The following ANKRD28 variants were observed in gnomAD, a reference collection of about 807,000 sequenced individuals.
ANKRD28 encodes the protein ankyrin repeat domain 28.
ANKRD28 carries 44 observed loss-of-function variants against 126.5 expected under a neutral mutation model. The ratio of observed to expected loss-of-function variants is 0.35; its 90% CI spans 0.27 to 0.45. The LOEUF (loss-of-function observed/expected upper bound fraction) is 0.45, where lower values mean the gene tolerates loss of function less well. Among genes scored for constraint, ANKRD28 ranks in the 20% least tolerant of loss-of-function variants. The probability of loss-of-function intolerance (pLI) is 1.00; values close to 1 mark genes in which losing one functional copy is unlikely to be tolerated. For synonymous variants in ANKRD28, 442 were observed against 468.5 expected (o/e 0.94, Z 0.73); for missense variants, 1,110 against 1,316.6 (o/e 0.84, Z 2.43).
chr3:15,731,881 G>GT (rs2074645813), intron 6 of ANKRD28: 1 of 136,594 alleles, frequency 7.3e-6, no homozygotes, highest in African/African-American at 3.0e-5. Context: ...AAAAGGGGGG[G>GT]GGGGTGTGTG....
rs1250892862 is a variant in ANKRD28, at chr3:15,795,312, AT to A, written c.118-7del. 1 of 1,590,840 alleles carries A rather than the reference AT, an allele frequency of 6.3e-7. No homozygotes were observed. Among genetic ancestry groups the A allele is most frequent in the Admixed American group, 1.7e-5 (1 of 59,940 alleles). ...ATAGCTTGCACCAGTGATGGCTAAAATAGAAGAGAGTAATAAAAACATTAGA... is the reference window on the plus strand; with the variant it reads ...ATAGCTTGCACCAGTGATGGCTAAAAAGAAGAGAGTAATAAAAACATTAGA... On this transcript the variant is annotated splice_region_variant and splice_polypyrimidine_tract_variant and intron_variant, in intron 1 of 27. Coordinates refer to ENST00000683139, the MANE Select transcript of ANKRD28 (RefSeq NM_001349278.2).
In ANKRD28 at chr3:15,676,976, T is replaced by C. The variant is rs776178856; in HGVS notation, c.2871A>G (p.Gln957=). The C allele has an allele frequency of 8.1e-6, 13 of 1,612,280 alleles. No homozygotes were observed. The Admixed American group carries it at 1.2e-4, about 14-fold the overall frequency. The change falls in exon 26 of 28, where the codon CAA becomes CAG. Residue 957 remains glutamine (Q), a splice_region_variant and synonymous_variant. Coordinates refer to ENST00000683139, the MANE Select transcript of ANKRD28 (RefSeq NM_001349278.2). The part of the protein sequence containing the change: ...NLINATNAAL[Q]TPLHVAARNG... ...TACTAGATACTGACAGTACTCACGT[T>C]TGCAAGGCTGCGTTGGTTGCATTGA...
intron 2 of ANKRD28, among the ~76,000 whole-genome samples, chr3:15,779,733 T>C (rs1172140771): frequency 6.6e-6 from 1 of 152,216 alleles, no homozygotes; most frequent in African/African-American, 2.4e-5. Flanking sequence ...AAATTCCCTG[T>C]AGGTATTTTA....
At position 15,749,144 on chromosome 3, in the gene ANKRD28, C is replaced by T. The variant is rs1419418990; in HGVS notation, c.351+2606G>A. Among the ~76,000 whole-genome samples the T allele has an allele frequency of 2.2e-5, 3 of 137,030 alleles. No individual in the cohort carries two copies. In the Admixed American group the frequency reaches 2.2e-4, roughly 10 times the overall value. 89.9% of individuals were successfully genotyped at this position (137,030 alleles called of 152,430 possible). On this transcript the variant is annotated intron_variant, in intron 4 of 27. Transcript: ENST00000683139. ...TTTGAGACGGAGTCTCGCTCTGTCG[C>T]CCAGGCCGGACTGCGGACTGCAGTG...
exon 1 of ANKRD28, chr3:15,859,380 G>C (rs1012846261): frequency 6.5e-7 from 1 of 1,529,004 alleles, no homozygotes; most frequent in Non-Finnish European, 8.8e-7. Flanking sequence ...CACCTACCTG[G>C]TCACGGAGTT....
At chr3:15,716,938 G>C (rs1018395841) in intron 8 of ANKRD28, among the ~76,000 whole-genome samples, 1 of 152,024 alleles carries the variant, frequency 6.6e-6, no homozygotes, top group Non-Finnish European at 1.5e-5. Context: ...CTCTGGGCTG[G>C]TCAACAGAGT....
chr3:15,815,949 T>G lies in ANKRD28; in HGVS notation c.28-20643A>C, dbSNP rs767058079. 3.3e-5 allele frequency among the ~76,000 whole-genome samples: 5 copies of G among 152,186 alleles called. No homozygotes were observed. Among genetic ancestry groups the G allele is most frequent in the Non-Finnish European group, 5.9e-5 (4 of 68,036 alleles). ...AGTACGTCCATTTAAAAAGTTAATG[T>G]CTTCCCTGAGTCATGTATTTTAAAC... On this transcript the variant is annotated intron_variant, in intron 1 of 27. Coordinates refer to the ANKRD28 transcript ENST00000399451. The surrounding 1 kb of genome is among the most constrained non-coding windows in gnomAD (Gnocchi z 4.1).
rs970865941 is a variant in ANKRD28 at position 15,797,697 on chromosome 3, T to C, written c.-1176A>G. On this transcript the variant is annotated 5_prime_UTR_variant, in exon 1 of 28. Transcript: ENST00000683139. ...GACTGTGCATCTTCTTTGAGCCAACTACTTTATTCAGTCATCTGCCTCTTT... is the reference window on the plus strand; with the variant it reads ...GACTGTGCATCTTCTTTGAGCCAACCACTTTATTCAGTCATCTGCCTCTTT... The C allele has an allele frequency of 1.0e-6, 1 of 985,332 alleles. No individual in the cohort carries two copies. Among genetic ancestry groups the C allele is most frequent in the African/African-American group, 1.7e-5 (1 of 57,242 alleles). 61.0% of individuals were successfully genotyped at this position (985,332 alleles called of 1,614,324 possible).
intron 17 of ANKRD28, among the ~76,000 whole-genome samples, chr3:15,693,757 G>T (rs2069139672): frequency 6.6e-6 from 1 of 151,962 alleles, no homozygotes. Flanking sequence ...GGACTCAAAG[G>T]GCAAAGAAGT....
chr3:15,726,078 C>T (rs2074141776), intron 6 of ANKRD28, among the ~76,000 whole-genome samples: 1 of 152,100 alleles, frequency 6.6e-6, no homozygotes, highest in African/African-American at 2.4e-5. Context: ...GTTGTATATT[C>T]CAACTACTCC....
At chr3:15,842,420 T>C (rs1241130256) in intron 1 of ANKRD28, among the ~76,000 whole-genome samples, 2 of 151,930 alleles carry the variant, frequency 1.3e-5, no homozygotes, top group African/African-American at 2.4e-5. Context: ...AGACCCATCC[T>C]TTCTCAGAGG....
At chr3:15,756,623 G>A (rs2125432989) in intron 3 of ANKRD28, 4 of 470,428 alleles carry the variant, frequency 8.5e-6, no homozygotes, top group Non-Finnish European at 1.1e-5. Flanking sequence ...CTAGTTGGCT[G>A]TGTGACCTGG....
chr3:15,713,538 A>T lies in ANKRD28; in HGVS notation c.1179T>A (p.Ala393=), dbSNP rs769084693. 1 of 1,611,148 alleles carries T rather than the reference A, an allele frequency of 6.2e-7. No homozygotes were observed. Among genetic ancestry groups the T allele is most frequent in the Non-Finnish European group, 8.5e-7 (1 of 1,178,950 alleles). ...LLINTLITSG[A]DTAKRGIHGM... ...CGGTAAGTACTTACTTTGCAGTGTC[A>T]GCACCACTTGTAATAAGAGTGTTGA... The change falls in exon 10 of 28, where the codon GCT becomes GCA. Residue 393 remains alanine (A), a synonymous_variant. Coordinates refer to ENST00000683139, the MANE Select transcript of ANKRD28 (RefSeq NM_001349278.2).
chr3:15,678,738 A>G (rs915602514), intron 23 of ANKRD28, among the ~76,000 whole-genome samples: 3 of 152,340 alleles, frequency 2.0e-5, no homozygotes, highest in African/African-American at 4.8e-5. Context: ...TGTTAACAAT[A>G]ATCTTTGGGA....
At chr3:15,689,182 G>A (rs1185140560) in intron 18 of ANKRD28, among the ~76,000 whole-genome samples, 1 of 152,164 alleles carries the variant, frequency 6.6e-6, no homozygotes, top group African/African-American at 2.4e-5. Context: ...CTTTTGAAGA[G>A]CCAAGCTGAC....
chr3:15,794,736 C>G (rs2125813937), intron 2 of ANKRD28, among the ~76,000 whole-genome samples: 1 of 152,264 alleles, frequency 6.6e-6, no homozygotes, highest in Middle Eastern at 3.4e-3. Context: ...TAATCAAGCA[C>G]CATTGTAAAA....
At chr3:15,697,408 C>T (rs182811739) in intron 14 of ANKRD28, 1 of 152,218 alleles carries the variant, frequency 6.6e-6, no homozygotes, top group East Asian at 1.9e-4. Context: ...ACCAAAATCT[C>T]AGAAATCATC....
At chr3:15,832,552 G>C (rs1315488024) in intron 1 of ANKRD28, among the ~76,000 whole-genome samples, 1 of 152,164 alleles carries the variant, frequency 6.6e-6, no homozygotes, top group Non-Finnish European at 1.5e-5. Flanking sequence ...CGCTTTTAGT[G>C]TAGAGATCAC....
At chr3:15,692,077 C>T (rs1190619343) in intron 17 of ANKRD28, among the ~76,000 whole-genome samples, 2 of 149,182 alleles carry the variant, frequency 1.3e-5, no homozygotes, top group Non-Finnish European at 3.0e-5. Context: ...GAGGTACAGG[C>T]TGCAGTGAGC....
Sources: allele counts gnomAD v4.1 joint callset (sites outside exome capture counted in the v4.1 genomes callset), GRCh38; gene constraint gnomAD v4.1.1; non-coding constraint Gnocchi (gnomAD v3.1); transcripts MANE v1.5; gene names NCBI Gene and HGNC (gene_info 2026-07-23, HGNC 2026-07-21).